The following DGKB variants were observed in gnomAD, a reference collection of about 807,000 sequenced individuals.
DGKB encodes the protein diacylglycerol kinase beta, also known as 90 kDa diacylglycerol kinase.
A neutral mutation model predicts 114.3 loss-of-function variants in DGKB; 67 were observed. The observed-to-expected ratio is 0.59, with a 90% CI of 0.48 to 0.72. The LOEUF is 0.72. Among genes scored for constraint, DGKB ranks in the 30% least tolerant of loss-of-function variants. The probability of loss-of-function intolerance (pLI) is 0.00; values close to 1 mark genes in which losing one functional copy is unlikely to be tolerated. For synonymous variants in DGKB, 398 were observed against 323.1 expected (o/e 1.23, Z -2.49); for missense variants, 907 against 975.2 (o/e 0.93, Z 0.93).
In DGKB at chr7:14,974,373, T is replaced by C. The variant is rs577781282; in HGVS notation, c.-188+323A>G. Among the ~76,000 whole-genome samples the C allele has an allele frequency of 2.0e-5, 3 of 152,226 alleles. No individual in the cohort carries two copies. In the South Asian group the frequency reaches 6.2e-4, roughly 32 times the overall value. On this transcript the variant is annotated intron_variant, in intron 1 of 4. Coordinates refer to the DGKB transcript ENST00000437998. ...CAACAAAAAGATTTTAAATCTTTGC[T>C]TAATTAAAAAAGGAATAGTACAAGT...
chr7:14,705,863 G>T (rs1237699867), intron 6 of DGKB, among the ~76,000 whole-genome samples: 1 of 152,002 alleles, frequency 6.6e-6, no homozygotes, highest in Non-Finnish European at 1.5e-5. Flanking sequence ...GCAAAATCAT[G>T]CCAAAATGTA....
At chr7:14,164,037 C>T (rs967352718) in intron 25 of DGKB, among the ~76,000 whole-genome samples, 1 of 151,736 alleles carries the variant, frequency 6.6e-6, no homozygotes, top group South Asian at 2.1e-4. Context: ...AATAAAAAAC[C>T]TCACCACCAC....
rs190944881 is a variant in DGKB, at chr7:14,749,545, A to G, written c.168+4383T>C. Among the ~76,000 whole-genome samples, 6 of 152,300 alleles carry G rather than the reference A, an allele frequency of 3.9e-5. No individual in the cohort carries two copies. In the East Asian group the frequency reaches 1.2e-3, roughly 29 times the overall value. On this transcript the variant is annotated intron_variant, in intron 4 of 25. Transcript: ENST00000402815. Reference sequence around the variant, plus strand: ...TTCTACTAATTACAAAAAGCAAATAATGGATTCGAAAAAGTTTAAGCAGAA... The same window carrying G: ...TTCTACTAATTACAAAAAGCAAATAGTGGATTCGAAAAAGTTTAAGCAGAA...
At chr7:14,401,595 G>C (rs986399370) in intron 21 of DGKB, among the ~76,000 whole-genome samples, 1 of 151,882 alleles carries the variant, frequency 6.6e-6, no homozygotes, top group East Asian at 1.9e-4. Context: ...CACCTGATGA[G>C]ATTTTATTGG....
intron 2 of DGKB, among the ~76,000 whole-genome samples, chr7:14,769,819 C>G (rs1231550010): frequency 1.3e-5 from 2 of 152,080 alleles, no homozygotes; most frequent in Non-Finnish European, 2.9e-5. Context: ...CCTCCAATCT[C>G]TGCCCTGTCG....
At chr7:14,814,549 T>A (rs1197663158) in intron 2 of DGKB, among the ~76,000 whole-genome samples, 1 of 152,174 alleles carries the variant, frequency 6.6e-6, no homozygotes, top group South Asian at 2.1e-4. Flanking sequence ...AAATGAGTAA[T>A]CTTCAAGATC....
chr7:14,916,906 T>A (rs1784265594), intron 1 of DGKB, among the ~76,000 whole-genome samples: 1 of 151,938 alleles, frequency 6.6e-6, no homozygotes, highest in Admixed American at 6.6e-5. Flanking sequence ...AAACACACCT[T>A]AACAAATTTA....
intron 23 of DGKB, among the ~76,000 whole-genome samples, chr7:14,308,656 A>ATTTGTT (rs1310049011): frequency 2.6e-5 from 4 of 152,186 alleles, no homozygotes; most frequent in African/African-American, 9.7e-5. Context: ...ACAAGTGTGA[A>ATTTGTT]TTTGTCAATA....
At chr7:14,627,932 G>C (rs1808913194) in intron 14 of DGKB, among the ~76,000 whole-genome samples, 1 of 136,862 alleles carries the variant, frequency 7.3e-6, no homozygotes, top group East Asian at 2.0e-4. Context: ...GACAGAGTGA[G>C]ACCTTGTCTC....
chr7:14,522,077 T>A (rs946474587), intron 20 of DGKB, among the ~76,000 whole-genome samples: 1 of 152,178 alleles, frequency 6.6e-6, no homozygotes, highest in African/African-American at 2.4e-5. Flanking sequence ...CTGTTACACA[T>A]AGCTTAGCGT....
intron 2 of DGKB, among the ~76,000 whole-genome samples, chr7:14,769,277 A>AGAAAGAAG (rs1491297605): frequency 9.7e-5 from 7 of 72,526 alleles, no homozygotes; most frequent in Non-Finnish European, 1.6e-4. Context: ...AAAGAAAGAA[A>AGAAAGAAG]GAAAGATTTT....
rs1414582477 is a variant in DGKB at position 14,974,637 on chromosome 7, CT to C, written c.-188+58del. The C allele has an allele frequency of 5.3e-5, 8 of 152,206 alleles. No homozygotes were observed. The East Asian group carries it at 1.2e-3, about 22-fold the overall frequency. 9.4% of individuals were successfully genotyped at this position (152,206 alleles called of 1,614,324 possible). A position where few individuals can be genotyped will look rare whatever the true frequency, so the allele number is the denominator to read the frequency against. On this transcript the variant is annotated intron_variant, in intron 1 of 4. Coordinates refer to the DGKB transcript ENST00000437998. ...CTTATGTTATAATGATAAAACCATG[CT>C]TCCCTTTTAACTGATCAAAAAGTTA...
At chr7:14,926,281 C>A (rs898457784) in intron 1 of DGKB, among the ~76,000 whole-genome samples, 4 of 151,882 alleles carry the variant, frequency 2.6e-5, no homozygotes, top group Non-Finnish European at 5.9e-5. Flanking sequence ...ACAACCACAC[C>A]ATTTGATTCA....
At position 14,350,410 on chromosome 7, in the gene DGKB, C is replaced by A. The variant is rs115193963; in HGVS notation, c.1836-5019G>T. ...GTAAACATAAAACAAAACAAACAAACGAAACAGTAAAGTACCAGTGCATTT... is the reference window on the plus strand; with the variant it reads ...GTAAACATAAAACAAAACAAACAAAAGAAACAGTAAAGTACCAGTGCATTT... On this transcript the variant is annotated intron_variant, in intron 21 of 25. Transcript: ENST00000402815. 5.8e-3 allele frequency among the ~76,000 whole-genome samples: 879 copies of A among 151,696 alleles called. 2 individuals are homozygous for A. Among genetic ancestry groups the A allele is most frequent in the African/African-American group, 0.016 (664 of 41,294 alleles).
chr7:14,536,054 C>A (rs1287461239), intron 20 of DGKB, among the ~76,000 whole-genome samples: 1 of 151,890 alleles, frequency 6.6e-6, no homozygotes, highest in Non-Finnish European at 1.5e-5. Context: ...ATTGGACAAT[C>A]AAGAAATGAA....
At chr7:14,797,513 C>T (rs553877567) in intron 2 of DGKB, among the ~76,000 whole-genome samples, 2 of 152,162 alleles carry the variant, frequency 1.3e-5, no homozygotes, top group South Asian at 2.1e-4. Context: ...TATATTTCCA[C>T]GAAATATATA....
intron 1 of DGKB, among the ~76,000 whole-genome samples, chr7:14,922,488 T>G (rs1310038023): frequency 6.6e-6 from 1 of 151,558 alleles, no homozygotes; most frequent in East Asian, 1.9e-4. Context: ...CTTTAGATAG[T>G]GCCGTCACTC....
chr7:14,642,328 T>C (rs551426308), intron 13 of DGKB, among the ~76,000 whole-genome samples: 2 of 152,290 alleles, frequency 1.3e-5, no homozygotes, highest in Admixed American at 6.5e-5. Flanking sequence ...ATGGCATTCA[T>C]CTAACTTTTA....
chr7:14,579,789 A>T (rs540081533), intron 19 of DGKB, among the ~76,000 whole-genome samples: 41 of 146,352 alleles, frequency 2.8e-4, no homozygotes, highest in Non-Finnish European at 5.0e-4. Flanking sequence ...GAGTTTGTTT[A>T]AAAAAAAAAA....
Sources: allele counts gnomAD v4.1 joint callset (sites outside exome capture counted in the v4.1 genomes callset), GRCh38; gene constraint gnomAD v4.1.1; transcripts MANE v1.5; gene names NCBI Gene and HGNC (gene_info 2026-07-23, HGNC 2026-07-21).